Variants in SYTL2 observed in about 807,000 individuals in gnomAD.
SYTL2 encodes the protein synaptotagmin like 2.
A neutral mutation model predicts 198.7 loss-of-function variants in SYTL2; 165 were observed. The observed-to-expected ratio is 0.83, with a 90% CI of 0.73 to 0.94. The LOEUF (loss-of-function observed/expected upper bound fraction) is 0.94. Among genes scored for constraint, SYTL2 ranks in the 40% least tolerant of loss-of-function variants. The pLI is 0.00. For synonymous variants in SYTL2, 966 were observed against 917.7 expected, an observed-to-expected ratio of 1.05 and a Z score of -0.95; for missense variants, 2,835 against 2,582.8, an observed-to-expected ratio of 1.10 and a Z score of -2.12.
In SYTL2 at chr11:85,714,740, T is replaced by C. The variant is rs533761279; in HGVS notation, c.5531-233A>G. 63 of 1,117,198 alleles carry C rather than the reference T, an allele frequency of 5.6e-5. No homozygotes were observed. In the African/African-American group the frequency reaches 9.3e-4, roughly 16 times the overall value. 69.2% of individuals were successfully genotyped at this position (1,117,198 alleles called of 1,614,324 possible). Reference sequence around the variant, plus strand: ...GAACCAAATACAAAACAAAGTTAATTTTAAAAACATTAGTTTTTATTGAAC... The same window carrying C: ...GAACCAAATACAAAACAAAGTTAATCTTAAAAACATTAGTTTTTATTGAAC... On this transcript the variant is annotated intron_variant, in intron 11 of 19. Coordinates refer to ENST00000359152, the MANE Select transcript of SYTL2 (RefSeq NM_206927.4).
intron 16 of SYTL2, 155 bp from the exon 17 acceptor site, chr11:85,700,748 A>T: frequency 1.7e-6 from 1 of 580,284 alleles, no homozygotes; most frequent in Non-Finnish European, 3.1e-6. Flanking sequence ...TCAGAACTAG[A>T]CTGTTGCCTT....
chr11:85,776,009 C>A (rs1192842490), intron 1 of SYTL2, among the ~76,000 whole-genome samples: 1 of 152,124 alleles, frequency 6.6e-6, no homozygotes, highest in African/African-American at 2.4e-5. Flanking sequence ...GGGGGTAGAT[C>A]CCTCACAAAT....
At chr11:85,848,320 A>T in the SYTL2 span, among the ~76,000 whole-genome samples, 9 of 151,422 alleles carry the variant, frequency 5.9e-5, no homozygotes, top group East Asian at 1.7e-3. Flanking sequence ...TTTAAATTTG[A>T]TGAAGTTCAA....
chr11:85,798,112 G>A (rs1231056890), intron 1 of SYTL2, among the ~76,000 whole-genome samples: 1 of 151,446 alleles, frequency 6.6e-6, no homozygotes, highest in African/African-American at 2.4e-5. Context: ...ACCTGCCTCA[G>A]CTTCCCAAAG....
At chr11:85,832,541 A>G in the SYTL2 span, among the ~76,000 whole-genome samples, 2 of 152,198 alleles carry the variant, frequency 1.3e-5, no homozygotes, top group African/African-American at 2.4e-5. Context: ...AACTACACAA[A>G]TAATTGAATT....
chr11:85,733,805 T>C, intron 7 of SYTL2, 134 bp downstream of exon 7: 1 of 688,244 alleles, frequency 1.5e-6, no homozygotes, highest in Non-Finnish European at 2.5e-6. Flanking sequence ...TTCACCTTGT[T>C]AGCCAGGATG....
rs1190685880 is a variant in SYTL2 at position 85,732,108 on chromosome 11, G to A, written c.1390+1831C>T. Among the ~76,000 whole-genome samples the A allele has an allele frequency of 5.3e-5, 8 of 152,198 alleles. 1 individual carries two copies. The highest frequency in any genetic ancestry group is 3.3e-4 in the Admixed American group (5 of 15,284). On this transcript the variant is annotated intron_variant, in intron 7 of 19. Transcript: ENST00000359152. ...TCAGGAAACAACCGATGCTGGAGAGGATGTGGAGAAATAGGAACGCTTTTA... is the reference window on the plus strand; with the variant it reads ...TCAGGAAACAACCGATGCTGGAGAGAATGTGGAGAAATAGGAACGCTTTTA...
In SYTL2 at chr11:85,759,415, C is replaced by T. The variant is rs559747007; in HGVS notation, c.-389-1301G>A. On this transcript the variant is annotated intron_variant, in intron 1 of 19. Transcript: ENST00000359152. ...AGCTATAAGTCATTGGGCAAGTTAC[C>T]GACCACTGTGAAGCTGTTTTCTCAT... 2.9e-4 allele frequency among the ~76,000 whole-genome samples: 44 copies of T among 152,188 alleles called. 1 individual carries two copies. The South Asian group carries it at 8.1e-3, about 28-fold the overall frequency.
chr11:85,788,053 T>G (rs953269267), intron 1 of SYTL2, among the ~76,000 whole-genome samples: 2 of 152,200 alleles, frequency 1.3e-5, no homozygotes, highest in African/African-American at 4.8e-5. Context: ...GGGTGTCTCC[T>G]GAGCCCAGGC....
intron 1 of SYTL2, among the ~76,000 whole-genome samples, chr11:85,767,905 T>C (rs2092276628): frequency 6.6e-6 from 1 of 152,014 alleles, no homozygotes; most frequent in African/African-American, 2.4e-5. Flanking sequence ...GACCTATAGG[T>C]GAAGCAAGCA....
At chr11:85,697,933 G>T in intron 18 of SYTL2, 46 bp downstream of exon 18, 4 of 1,281,304 alleles carry the variant, frequency 3.1e-6, no homozygotes, top group Non-Finnish European at 4.5e-6. Flanking sequence ...AACCAGCAAA[G>T]ACCAGGCTAC....
At chr11:85,853,328 C>T in the SYTL2 span, 1 of 446,538 alleles carries the variant, frequency 2.2e-6, no homozygotes. Flanking sequence ...AAAGATTCTT[C>T]TGCCTTGGGA....
At chr11:85,741,236 C>T (rs2090764432) in intron 4 of SYTL2, among the ~76,000 whole-genome samples, 1 of 152,112 alleles carries the variant, frequency 6.6e-6, no homozygotes, top group Non-Finnish European at 1.5e-5. Context: ...CATGTGTTGG[C>T]ACTTAATGAA....
At position 85,727,984 on chromosome 11, in the gene SYTL2, C is replaced by G; in HGVS notation, c.1391-17G>C. On this transcript the variant is annotated splice_polypyrimidine_tract_variant and intron_variant, in intron 7 of 19. Coordinates refer to ENST00000359152, the MANE Select transcript of SYTL2 (RefSeq NM_206927.4). ...ACAGTTCATCTGCAACATAGAAATA[C>G]TTTTCTAAATAAGAAAAGAGCATGC... The G allele has an allele frequency of 6.5e-7, 1 of 1,549,510 alleles. No individual in the cohort carries two copies. The highest frequency in any genetic ancestry group is 8.7e-7 in the Non-Finnish European group (1 of 1,150,474).
chr11:85,704,998 G>A lies in SYTL2; in HGVS notation c.6049C>T (p.Gln2017Ter). The change falls in exon 16 of 20, where the codon CAG becomes TAG. Residue 2017 changes from glutamine to a stop codon, truncating the protein, a stop_gained. Transcript: ENST00000359152. LOFTEE classifies it high-confidence loss of function. ...YKIEKQILKT[Q>*]KLNLSIWHRD... ...TGCCAAATGGACAGGTTCAATTTCT[G>A]TGTCTTTAAGATTTGTTTTTCAATT... 6.2e-7 allele frequency: 1 copy of A among 1,612,374 alleles called. No individual in the cohort carries two copies. The highest frequency in any genetic ancestry group is 8.5e-7 in the Non-Finnish European group (1 of 1,178,998).
chr11:85,805,519 A>G (rs941453279), intron 1 of SYTL2, among the ~76,000 whole-genome samples: 2 of 152,160 alleles, frequency 1.3e-5, no homozygotes, highest in Non-Finnish European at 2.9e-5. Flanking sequence ...TGAGGAACTT[A>G]GCTTGCCTGG....
At chr11:85,803,512 G>C (rs1033557513) in intron 1 of SYTL2, among the ~76,000 whole-genome samples, 1 of 152,166 alleles carries the variant, frequency 6.6e-6, no homozygotes, top group African/African-American at 2.4e-5. Context: ...GTTTTTCCTG[G>C]AAGATTATGT....
chr11:85,767,383 A>T (rs2092264130), intron 1 of SYTL2, among the ~76,000 whole-genome samples: 1 of 152,234 alleles, frequency 6.6e-6, no homozygotes, highest in South Asian at 2.1e-4. Flanking sequence ...CCTAAAAGCC[A>T]AACACTGATA....
At chr11:85,719,326 T>C (rs536796036) in intron 9 of SYTL2, 376 of 1,154,170 alleles carry the variant, frequency 3.3e-4, no homozygotes, top group Non-Finnish European at 3.9e-4. Context: ...AAGTGGAATC[T>C]TGGCAGGCTA....
Sources: gnomAD v4.1 joint callset for allele counts (sites outside exome capture counted in the v4.1 genomes callset) on GRCh38, gnomAD v4.1.1 for gene constraint, MANE v1.5 for transcripts, NCBI Gene and HGNC (gene_info 2026-07-23, HGNC 2026-07-21) for gene names.